The following RIMKLB variants were observed in gnomAD, a reference collection of about 807,000 sequenced individuals.
RIMKLB encodes the protein beta-citrylglutamate synthase B.
Under a neutral mutation model 32.0 loss-of-function variants are expected in RIMKLB, and 7 were observed. The observed-to-expected ratio is 0.22, with a 90% CI of 0.12 to 0.41. The LOEUF (loss-of-function observed/expected upper bound fraction) is 0.41. Among genes scored for constraint, RIMKLB ranks in the 10% least tolerant of loss-of-function variants. The pLI, the probability that RIMKLB is intolerant of heterozygous loss-of-function variation, is 1.00. For synonymous variants in RIMKLB, 172 were observed against 185.1 expected, an observed-to-expected ratio of 0.93 and a Z score of 0.57; for missense variants, 289 against 498.7, an observed-to-expected ratio of 0.58 and a Z score of 4.00.
rs139089508 is a variant in RIMKLB, at chr12:8,763,888, T to A, written c.698-9433T>A. The stretch of plus-strand genomic sequence containing the variant: ...TTGAGACGTTGGGTTTGAAGGATCT[T>A]CAAAGGCAAACAAAAATTGACAGGA... On this transcript the variant is annotated intron_variant, in intron 5 of 5. Coordinates refer to ENST00000535829, the MANE Select transcript of RIMKLB (RefSeq NM_001297776.2). Among the ~76,000 whole-genome samples the A allele has an allele frequency of 2.8e-3, 424 of 152,226 alleles. 3 individuals carry two copies. Among genetic ancestry groups the A allele is most frequent in the African/African-American group, 9.9e-3 (413 of 41,546 alleles).
upstream of RIMKLB, among the ~76,000 whole-genome samples, chr12:8,680,922 A>C (rs1176346229): frequency 1.3e-5 from 2 of 152,098 alleles, no homozygotes; most frequent in East Asian, 3.9e-4. Context: ...ACAAACTTAC[A>C]ATGAAGCATT....
chr12:8,701,239 G>T (rs192957887), intron 1 of RIMKLB, among the ~76,000 whole-genome samples: 22 of 152,018 alleles, frequency 1.4e-4, no homozygotes, highest in South Asian at 2.1e-4. Context: ...TAATTGTCTC[G>T]GAATTTTCTG....
intron 2 of RIMKLB, among the ~76,000 whole-genome samples, chr12:8,737,652 C>T (rs749768360): frequency 3.9e-5 from 6 of 152,042 alleles, no homozygotes; most frequent in Non-Finnish European, 7.4e-5. Flanking sequence ...TTCCCCCCCT[C>T]ATCTCTATTA....
chr12:8,728,185 TCA>T (rs1338175011), intron 2 of RIMKLB, among the ~76,000 whole-genome samples: 11 of 152,222 alleles, frequency 7.2e-5, no homozygotes, highest in Non-Finnish European at 1.6e-4. Context: ...AGCCTATAAA[TCA>T]CAGTCTTTTA....
chr12:8,749,462 G>T (rs1948441356), intron 2 of RIMKLB, among the ~76,000 whole-genome samples: 1 of 152,166 alleles, frequency 6.6e-6, no homozygotes, highest in Non-Finnish European at 1.5e-5. Flanking sequence ...ACCCACCTTG[G>T]CATCCCAAAG....
chr12:8,768,369 A>C (rs1950143402), intron 5 of RIMKLB, among the ~76,000 whole-genome samples: 1 of 152,206 alleles, frequency 6.6e-6, no homozygotes, highest in South Asian at 2.1e-4. Context: ...GCTCAGCTCG[A>C]GCCGTAACAA....
chr12:8,711,523 T>G (rs1271092159), intron 1 of RIMKLB, among the ~76,000 whole-genome samples: 1 of 137,568 alleles, frequency 7.3e-6, no homozygotes, highest in East Asian at 2.0e-4. Context: ...GATTACAAAC[T>G]TTTTTTTTTT....
downstream of RIMKLB, chr12:8,777,536 C>T (rs1565438336): frequency 3.3e-6 from 4 of 1,216,774 alleles, no homozygotes; most frequent in Non-Finnish European, 2.1e-6. Flanking sequence ...GCATTTTTTA[C>T]ATTGTTTTTA....
rs1950714785 is a variant in RIMKLB at position 8,776,176 on chromosome 12, A to G, written c.*2392A>G. On this transcript the variant is annotated 3_prime_UTR_variant, in exon 6 of 6. Transcript: ENST00000535829. Reference sequence around the variant, plus strand: ...AATGTAGTTAGTCTTTTCTTAACTTATACCAAATTAACCAACTATATTATA... The same window carrying G: ...AATGTAGTTAGTCTTTTCTTAACTTGTACCAAATTAACCAACTATATTATA... 2.0e-6 allele frequency: 2 copies of G among 984,066 alleles called. No homozygotes were observed. Among genetic ancestry groups the G allele is most frequent in the Non-Finnish European group, 2.4e-6 (2 of 828,660 alleles). 61.0% of individuals were successfully genotyped at this position (984,066 alleles called of 1,614,324 possible).
At chr12:8,681,180 G>C (rs915286602), upstream of RIMKLB, among the ~76,000 whole-genome samples, 2 of 151,898 alleles carry the variant, frequency 1.3e-5, no homozygotes, top group Admixed American at 6.6e-5. Context: ...TCTTAGGCTG[G>C]TCTCAAATTC....
chr12:8,730,657 A>G (rs112653791), intron 2 of RIMKLB, among the ~76,000 whole-genome samples: 5,038 of 152,328 alleles, frequency 0.033, 281 homozygotes, highest in African/African-American at 0.11. Context: ...CTTCTAGATC[A>G]AGACAACTTT....
At chr12:8,696,709 T>C (rs1015325988), upstream of RIMKLB, among the ~76,000 whole-genome samples, 19 of 152,218 alleles carry the variant, frequency 1.2e-4, no homozygotes, top group Admixed American at 1.2e-3. Flanking sequence ...TTATGCTACA[T>C]CTTTTAAAGG....
intron 1 of RIMKLB, among the ~76,000 whole-genome samples, chr12:8,712,133 T>C (rs1355921615): frequency 6.6e-6 from 1 of 150,998 alleles, no homozygotes; most frequent in Non-Finnish European, 1.5e-5. Context: ...GAAGCCATAG[T>C]GTTTATATAT....
In RIMKLB at chr12:8,776,586, ATTGTTT is replaced by A. The variant is rs1950739887; in HGVS notation, c.*2805_*2810del. On this transcript the variant is annotated 3_prime_UTR_variant, in exon 6 of 6. Transcript: ENST00000535829. Reference sequence around the variant, plus strand: ...TATTTCAAAAATGATTATTTCTGATATTGTTTTTATGTCACCCATGATGAAAACTGG... The same window carrying A: ...TATTTCAAAAATGATTATTTCTGATATTATGTCACCCATGATGAAAACTGG... The A allele has an allele frequency of 7.2e-6, 6 of 834,316 alleles. No homozygotes were observed. Among genetic ancestry groups the A allele is most frequent in the Non-Finnish European group, 8.7e-6 (6 of 692,696 alleles). 51.7% of individuals were successfully genotyped at this position (834,316 alleles called of 1,614,324 possible).
intron 1 of RIMKLB, among the ~76,000 whole-genome samples, chr12:8,711,841 A>G (rs1944404703): frequency 6.6e-6 from 1 of 152,142 alleles, no homozygotes; most frequent in Admixed American, 6.5e-5. Context: ...TAATGAGCAT[A>G]GTATGTCTTT....
chr12:8,669,820 G>C, the RIMKLB span, among the ~76,000 whole-genome samples: 1 of 151,888 alleles, frequency 6.6e-6, no homozygotes, highest in African/African-American at 2.4e-5. Context: ...GAGGTCAGGA[G>C]ATTGAGACCA....
intron 1 of RIMKLB, among the ~76,000 whole-genome samples, chr12:8,701,932 G>A (rs535240882): frequency 7.9e-5 from 12 of 151,780 alleles, no homozygotes; most frequent in Non-Finnish European, 1.8e-4. Context: ...CATTAACCCT[G>A]GAGGCAGAGG....
In RIMKLB at chr12:8,749,128, C is replaced by T. The variant is rs746622286; in HGVS notation, c.176-734C>T. ...AATATAGATTGAGAATTGCATAGGG[C>T]ACAATATTAAACTTTTCTCTTCAAC... On this transcript the variant is annotated intron_variant, in intron 2 of 5. Transcript: ENST00000535829. 3.9e-5 allele frequency among the ~76,000 whole-genome samples: 6 copies of T among 152,138 alleles called. No individual in the cohort carries two copies. The East Asian group carries it at 1.2e-3, about 29-fold the overall frequency.
upstream of RIMKLB, chr12:8,679,635 A>G (rs1942366371): frequency 6.6e-6 from 1 of 152,396 alleles, no homozygotes; most frequent in Admixed American, 6.5e-5. Context: ...GAGGTAGCAC[A>G]GCAAATCCTT....
Sources: allele counts gnomAD v4.1 joint callset (sites outside exome capture counted in the v4.1 genomes callset), GRCh38; gene constraint gnomAD v4.1.1; transcripts MANE v1.5; gene names NCBI Gene and HGNC (gene_info 2026-07-23, HGNC 2026-07-21).